ACCSL: variants seen among roughly 807,000 people sequenced by gnomAD.
ACCSL encodes probable inactive 1-aminocyclopropane-1-carboxylate synthase-like protein 2.
In ACCSL, 55 loss-of-function variants were observed where a neutral mutation model predicts 61.7. The ratio of observed to expected loss-of-function variants is 0.89; its 90% confidence interval spans 0.72 to 1.12. ACCSL has a LOEUF of 1.12. Ranked by LOEUF, ACCSL falls within the 50% of genes most tolerant of loss-of-function variation. ACCSL has a pLI of 0.00. For missense variants in ACCSL, 632 were observed against 698.0 expected (o/e 0.91, Z 1.07); for synonymous variants, 258 against 264.3 (o/e 0.98, Z 0.23).
chr11:44,018,806 A>G, the ACCSL span, among the ~76,000 whole-genome samples: 1 of 152,214 alleles, frequency 6.6e-6, no homozygotes. Context: ...CATTTCTTAA[A>G]AATAAAAGGA....
chr11:44,056,554 C>T (rs79585110), intron 11 of ACCSL, among the ~76,000 whole-genome samples: 2,416 of 152,192 alleles, frequency 0.016, 66 homozygotes, highest in African/African-American at 0.055. Flanking sequence ...AGGATGAGGC[C>T]GGGCATGGTG....
At chr11:43,947,008 C>T in the ACCSL span, 1 of 152,220 alleles carries the variant, frequency 6.6e-6, no homozygotes. Context: ...AAGGGAATAT[C>T]TGAGCTAGGT....
chr11:44,036,269 G>A, the ACCSL span, among the ~76,000 whole-genome samples: 1 of 152,328 alleles, frequency 6.6e-6, no homozygotes, highest in East Asian at 1.9e-4. Context: ...AATTGTTAGG[G>A]TCCTGTCACT....
intron 7 of ACCSL, 66 bp downstream of exon 7, chr11:44,053,134 T>A: frequency 2.1e-6 from 3 of 1,411,002 alleles, no homozygotes; most frequent in Non-Finnish European, 3.0e-6. Context: ...AGTATTGAAA[T>A]TCTGGTACTG....
At chr11:44,025,843 T>G in the ACCSL span, among the ~76,000 whole-genome samples, 2 of 152,242 alleles carry the variant, frequency 1.3e-5, no homozygotes, top group South Asian at 4.1e-4. Context: ...AGTCTTTTTC[T>G]TTCAGCACTT....
rs778953676 is a variant in ACCSL at position 44,051,701 on chromosome 11, G to A, written c.754G>A (p.Val252Ile). The change falls in exon 5 of 14, where the codon GTT (valine) becomes ATT (isoleucine). Residue 252 changes from valine (V) to isoleucine (I), a missense_variant. Val to Ile is a conservative substitution (Grantham distance 29). Coordinates refer to ENST00000378832, the MANE Select transcript of ACCSL (RefSeq NM_001031854.2). ...CTCTGTCTTCTGTGCCCTGGCCATG[G>A]TTCTGTGTGATCCAGGCGGTAAGTC... ...CCSVFCALAM[V>I]LCDPGEAFLV... 1 of 1,614,162 alleles carries A rather than the reference G, an allele frequency of 6.2e-7. No homozygotes were observed. The highest frequency in any genetic ancestry group is 1.7e-5 in the Admixed American group (1 of 60,018).
the ACCSL span, among the ~76,000 whole-genome samples, chr11:44,038,913 C>T: frequency 1.3e-5 from 2 of 152,094 alleles, no homozygotes; most frequent in Non-Finnish European, 2.9e-5. Flanking sequence ...AATTTGCAGT[C>T]TCTGTAAGGT....
chr11:44,052,695 GC>G lies in ACCSL; in HGVS notation c.807del (p.Phe270LeufsTer13), dbSNP rs754644938. The G allele has an allele frequency of 6.2e-7, 1 of 1,614,180 alleles. No homozygotes were observed. The highest frequency in any genetic ancestry group is 2.2e-5 in the East Asian group (1 of 44,874). Reference protein sequence around the residue: ...AFLVPAPFYGGFAFSSRLYAK... With the variant: ...AFLVPAPFYGXFAFSSRLYAK... Reference sequence around the variant, plus strand: ...CTGGTCCCTGCTCCCTTCTATGGTGGCTTTGCCTTTAGCTCCCGCCTGTATG... The same window carrying G: ...CTGGTCCCTGCTCCCTTCTATGGTGGTTTGCCTTTAGCTCCCGCCTGTATG... On this transcript the variant is annotated frameshift_variant, in exon 6 of 14. Transcript: ENST00000378832. LOFTEE classifies it high-confidence loss of function.
the ACCSL span, among the ~76,000 whole-genome samples, chr11:43,957,481 C>T: frequency 6.6e-6 from 1 of 152,002 alleles, no homozygotes; most frequent in African/African-American, 2.4e-5. Context: ...CTCTAGGTAG[C>T]AGGCTTCAGA....
the ACCSL span, among the ~76,000 whole-genome samples, chr11:44,033,329 G>A: frequency 6.6e-6 from 1 of 152,064 alleles, no homozygotes; most frequent in Non-Finnish European, 1.5e-5. Flanking sequence ...TGAACCCTGG[G>A]CTCTTGACAA....
At chr11:43,941,530 G>C in the ACCSL span, among the ~76,000 whole-genome samples, 2,153 of 152,368 alleles carry the variant, frequency 0.014, 20 homozygotes, top group Admixed American at 0.022. Flanking sequence ...ACTTGGCCAT[G>C]GCCAGGCTCA....
chr11:44,059,779 G>T, intron 13 of ACCSL, 59 bp from the exon 14 acceptor site: 1 of 1,490,836 alleles, frequency 6.7e-7, no homozygotes, highest in South Asian at 1.2e-5. Context: ...GTATGTCTGG[G>T]ACCCACCAGC....
intron 9 of ACCSL, 30 bp from the exon 10 acceptor site, chr11:44,056,010 C>T (rs1222838479): frequency 1.9e-6 from 3 of 1,613,434 alleles, no homozygotes; most frequent in Non-Finnish European, 2.5e-6. Context: ...TTCTCTATAA[C>T]CTTAGTTAAT....
chr11:43,969,771 G>T, the ACCSL span, among the ~76,000 whole-genome samples: 1 of 152,124 alleles, frequency 6.6e-6, no homozygotes. Context: ...AGCTTTCTCT[G>T]TCTCCTCATG....
At chr11:43,957,784 G>T in the ACCSL span, among the ~76,000 whole-genome samples, 1 of 152,162 alleles carries the variant, frequency 6.6e-6, no homozygotes, top group African/African-American at 2.4e-5. Context: ...TGTTAATGCT[G>T]GTCAGTTGTG....
At chr11:43,950,244 A>G in the ACCSL span, among the ~76,000 whole-genome samples, 1 of 152,218 alleles carries the variant, frequency 6.6e-6, no homozygotes, top group African/African-American at 2.4e-5. Flanking sequence ...CCTAAAATGT[A>G]TAAAACCAAC....
At chr11:44,046,749 T>G (rs1433145483), upstream of ACCSL, among the ~76,000 whole-genome samples, 1 of 151,892 alleles carries the variant, frequency 6.6e-6, no homozygotes, top group African/African-American at 2.4e-5. Flanking sequence ...AGGTCTAGAT[T>G]TTTAGAAAAA....
the ACCSL span, among the ~76,000 whole-genome samples, chr11:43,980,901 C>T: frequency 1.3e-5 from 2 of 149,782 alleles, no homozygotes; most frequent in South Asian, 4.3e-4. Flanking sequence ...GGCTCAGAAG[C>T]GTACGTCACC....
chr11:44,035,967 A>C, the ACCSL span, among the ~76,000 whole-genome samples: 1 of 151,744 alleles, frequency 6.6e-6, no homozygotes, highest in Non-Finnish European at 1.5e-5. Context: ...AAAAGAAAGA[A>C]AGAAAAGAAT....
Sources: allele counts gnomAD v4.1 joint callset (sites outside exome capture counted in the v4.1 genomes callset), GRCh38; gene constraint gnomAD v4.1.1; transcripts MANE v1.5; gene names NCBI Gene and HGNC (gene_info 2026-07-23, HGNC 2026-07-21).